Variants in TRIO observed in about 807,000 individuals in gnomAD.
TRIO encodes trio Rho guanine nucleotide exchange factor.
A neutral mutation model predicts 351.9 loss-of-function variants in TRIO; 58 were observed. That is an observed-to-expected ratio of 0.16 (90% CI 0.13 to 0.21). The LOEUF (loss-of-function observed/expected upper bound fraction) is 0.21. Ranked by LOEUF, TRIO falls within the 10% of genes least tolerant of loss-of-function variation. The pLI, the probability that TRIO is intolerant of heterozygous loss-of-function variation, is 1.00. For synonymous variants in TRIO, 1,758 were observed against 1,595.7 expected (o/e 1.10, Z -2.42); for missense variants, 3,201 against 4,027.8 (o/e 0.79, Z 5.56).
At position 14,508,560 on chromosome 5, in the gene TRIO, G is replaced by T. The variant is rs917283935; in HGVS notation, c.*138G>T. The stretch of plus-strand genomic sequence containing the variant: ...TGAAATTGCATTCCAAGTGAGCTGT[G>T]CTCAGCAGTGCTTGGACACAGAGCT... On this transcript the variant is annotated 3_prime_UTR_variant, in exon 57 of 57. Coordinates refer to ENST00000344204, the MANE Select transcript of TRIO (RefSeq NM_007118.4). 4 of 1,118,098 alleles carry T rather than the reference G, an allele frequency of 3.6e-6. No individual in the cohort carries two copies. The highest frequency in any genetic ancestry group is 5.0e-6 in the Non-Finnish European group (4 of 794,552). 69.3% of individuals were successfully genotyped at this position (1,118,098 alleles called of 1,614,324 possible).
chr5:14,299,686 T>C (rs1385932513), intron 7 of TRIO, among the ~76,000 whole-genome samples: 1 of 152,224 alleles, frequency 6.6e-6, no homozygotes, highest in African/African-American at 2.4e-5. Flanking sequence ...CCTGTTTTCA[T>C]AAACTCAGTC....
intron 34 of TRIO, chr5:14,440,821 G>A (rs1008472301): frequency 6.6e-6 from 1 of 152,222 alleles, no homozygotes; most frequent in African/African-American, 2.4e-5. Context: ...CCTGCGTGGG[G>A]AGGGCAACTG....
At chr5:14,296,970 T>C in intron 6 of TRIO, 102 bp from the exon 7 acceptor site, 1 of 935,166 alleles carries the variant, frequency 1.1e-6, no homozygotes. Context: ...ATGTGATCAC[T>C]GTTAGAAGCC....
chr5:14,388,778 A>G, intron 24 of TRIO, 99 bp downstream of exon 24: 1 of 1,352,178 alleles, frequency 7.4e-7, no homozygotes, highest in Non-Finnish European at 1.0e-6. Flanking sequence ...GAATAATCAC[A>G]ATTTTTTTCT....
Position 14,508,831 on chromosome 5 carries a change from G to A in TRIO, c.*409G>A, listed in dbSNP as rs1056059707. 2.3e-5 allele frequency: 4 copies of A among 175,312 alleles called. No homozygotes were observed. The South Asian group carries it at 5.5e-4, about 24-fold the overall frequency. The allele number at this position is 175,312 out of a possible 1,614,324, so 10.9% of individuals were successfully genotyped here. On this transcript the variant is annotated 3_prime_UTR_variant, in exon 57 of 57. Transcript: ENST00000344204. ...TGCGTCTCTGGGGAAGACGCACCTAGGTGGCGGCCACTCCCATGGCCTTGT... is the reference window on the plus strand; with the variant it reads ...TGCGTCTCTGGGGAAGACGCACCTAAGTGGCGGCCACTCCCATGGCCTTGT...
At chr5:14,310,592 A>G (rs1417856718) in intron 8 of TRIO, among the ~76,000 whole-genome samples, 1 of 152,258 alleles carries the variant, frequency 6.6e-6, no homozygotes, top group East Asian at 1.9e-4. Context: ...AGATGAAAAC[A>G]CACAGCAAAA....
intron 34 of TRIO, among the ~76,000 whole-genome samples, chr5:14,427,878 G>A (rs562730345): frequency 1.3e-4 from 20 of 152,258 alleles, no homozygotes; most frequent in African/African-American, 4.6e-4. Flanking sequence ...CAACACAAGA[G>A]CCAGCCACAC....
At chr5:14,410,536 C>G (rs572817437) in intron 33 of TRIO, among the ~76,000 whole-genome samples, 4 of 152,202 alleles carry the variant, frequency 2.6e-5, no homozygotes, top group Non-Finnish European at 5.9e-5. Context: ...TAAGCAGCCT[C>G]TGATAACGCA....
At chr5:14,439,793 G>A (rs550303944) in intron 34 of TRIO, among the ~76,000 whole-genome samples, 1 of 152,296 alleles carries the variant, frequency 6.6e-6, no homozygotes, top group East Asian at 1.9e-4. Flanking sequence ...AGAAGAATAT[G>A]AAGCCTAACG....
In TRIO at chr5:14,293,056, C is replaced by T; in HGVS notation, c.1098C>T (p.Ser366=). The T allele has an allele frequency of 6.2e-7, 1 of 1,614,138 alleles. No homozygotes were observed. Among genetic ancestry groups the T allele is most frequent in the Non-Finnish European group, 8.5e-7 (1 of 1,180,022 alleles). The change falls in exon 6 of 57, where the codon AGC becomes AGT. Residue 366 remains serine (S), a synonymous_variant. Transcript: ENST00000344204. ...ITHNKGLFLN[S]YTEIGTSHPH... is the part of the protein sequence containing the mutation. The stretch of plus-strand genomic sequence containing the variant: ...ACAACAAAGGCCTGTTTCTAAACAG[C>T]TACACAGAGATTGGGACCAGCCACC...
chr5:14,326,748 C>T (rs1203443652), intron 9 of TRIO, among the ~76,000 whole-genome samples: 1 of 152,158 alleles, frequency 6.6e-6, no homozygotes, highest in African/African-American at 2.4e-5. Context: ...CTGTAATTTG[C>T]TTATCTTAGT....
At chr5:14,180,847 CAA>C (rs34473680) in intron 1 of TRIO, among the ~76,000 whole-genome samples, 50 of 139,108 alleles carry the variant, frequency 3.6e-4, no homozygotes, top group Non-Finnish European at 5.1e-4. Flanking sequence ...AGTGCCCCCA[CAA>C]AAAAAAAAAA....
At chr5:14,435,022 C>T (rs1751468832) in intron 34 of TRIO, among the ~76,000 whole-genome samples, 1 of 152,232 alleles carries the variant, frequency 6.6e-6, no homozygotes, top group Non-Finnish European at 1.5e-5. Flanking sequence ...TGCATCACGT[C>T]AGGGGTACAG....
intron 1 of TRIO, among the ~76,000 whole-genome samples, chr5:14,216,581 G>A (rs1051001230): frequency 5.9e-5 from 9 of 152,190 alleles, no homozygotes; most frequent in Admixed American, 5.9e-4. Flanking sequence ...CTGACATCAA[G>A]GTGTCGTATT....
intron 7 of TRIO, among the ~76,000 whole-genome samples, chr5:14,303,560 A>T (rs1738100862): frequency 1.4e-5 from 2 of 138,302 alleles, no homozygotes; most frequent in Non-Finnish European, 1.5e-5. Flanking sequence ...GATCCTGGAG[A>T]TGGAGGGGGC....
chr5:14,494,393 A>T (rs1288648269), intron 49 of TRIO, among the ~76,000 whole-genome samples: 2 of 152,212 alleles, frequency 1.3e-5, no homozygotes, highest in Non-Finnish European at 2.9e-5. Context: ...AACACGGTTT[A>T]CTGAGTATTT....
chr5:14,292,583 G>A (rs1011479802), intron 5 of TRIO, among the ~76,000 whole-genome samples: 5 of 152,128 alleles, frequency 3.3e-5, no homozygotes, highest in African/African-American at 1.2e-4. Context: ...TGATATTTCT[G>A]TCAGTAACCT....
At chr5:14,152,768 G>A (rs1787912915) in intron 1 of TRIO, among the ~76,000 whole-genome samples, 1 of 152,206 alleles carries the variant, frequency 6.6e-6, no homozygotes, top group Admixed American at 6.5e-5. Flanking sequence ...GTGCTAATTT[G>A]ATGGTTTCAG....
intron 25 of TRIO, 89 bp from the exon 26 acceptor site, chr5:14,390,142 G>A: frequency 8.5e-7 from 1 of 1,182,822 alleles, no homozygotes; most frequent in Non-Finnish European, 1.2e-6. Context: ...ATTCTTTAGG[G>A]GGCACAGATT....
Sources: gnomAD v4.1 joint callset for allele counts (sites outside exome capture counted in the v4.1 genomes callset) on GRCh38, gnomAD v4.1.1 for gene constraint, MANE v1.5 for transcripts, NCBI Gene and HGNC (gene_info 2026-07-23, HGNC 2026-07-21) for gene names.